The following MAGI2 variants were observed in gnomAD, a reference collection of about 807,000 sequenced individuals.
The protein encoded by MAGI2 is membrane-associated guanylate kinase, WW and PDZ domain-containing protein 2.
A neutral mutation model predicts 133.3 loss-of-function variants in MAGI2; 35 were observed. That is an observed-to-expected ratio of 0.26 (90% CI 0.20 to 0.35). The LOEUF is 0.35. Among genes scored for constraint, MAGI2 ranks in the 10% least tolerant of loss-of-function variants. The probability of loss-of-function intolerance (pLI) is 1.00; values close to 1 mark genes in which losing one functional copy is unlikely to be tolerated. For missense variants in MAGI2, 1,636 were observed against 1,863.4 expected (o/e 0.88, Z 2.25); for synonymous variants, 729 against 710.6 (o/e 1.03, Z -0.41).
chr7:78,131,805 G>A (rs1298408291), intron 18 of MAGI2, among the ~76,000 whole-genome samples: 1 of 152,188 alleles, frequency 6.6e-6, no homozygotes, highest in African/African-American at 2.4e-5. Flanking sequence ...CTAATGCTAT[G>A]TGTGGAATAG....
chr7:78,364,241 T>C (rs889189752), intron 7 of MAGI2, among the ~76,000 whole-genome samples: 2 of 152,236 alleles, frequency 1.3e-5, no homozygotes, highest in Non-Finnish European at 2.9e-5. Flanking sequence ...TAATTGGAAA[T>C]GTTTCATATG....
chr7:78,692,983 T>C (rs1817126241), intron 2 of MAGI2, among the ~76,000 whole-genome samples: 2 of 152,160 alleles, frequency 1.3e-5, no homozygotes. Flanking sequence ...CCAATACTCA[T>C]GCTTAGAGGC....
intron 1 of MAGI2, among the ~76,000 whole-genome samples, chr7:79,171,308 G>A (rs1158278298): frequency 6.6e-6 from 1 of 152,032 alleles, no homozygotes; most frequent in African/African-American, 2.4e-5. Flanking sequence ...CTCCCCCTGA[G>A]TGTGCCTTTG....
At chr7:79,073,468 T>C (rs145058505) in intron 1 of MAGI2, among the ~76,000 whole-genome samples, 3 of 152,318 alleles carry the variant, frequency 2.0e-5, no homozygotes, top group East Asian at 3.9e-4. Flanking sequence ...ACGAGTTATA[T>C]ATGTTCATTC....
At chr7:79,409,587 G>C (rs1160836927) in intron 1 of MAGI2, among the ~76,000 whole-genome samples, 1 of 151,848 alleles carries the variant, frequency 6.6e-6, no homozygotes, top group Admixed American at 6.6e-5. Flanking sequence ...CATGAGCTTG[G>C]GGACATGAAT....
intron 16 of MAGI2, among the ~76,000 whole-genome samples, chr7:78,150,753 C>T (rs1823788527): frequency 6.6e-6 from 1 of 152,100 alleles, no homozygotes; most frequent in Non-Finnish European, 1.5e-5. Context: ...TAAGAACTCT[C>T]CTGAAAAATG....
chr7:78,186,727 C>T (rs966958522), intron 12 of MAGI2, among the ~76,000 whole-genome samples: 2 of 152,010 alleles, frequency 1.3e-5, no homozygotes, highest in East Asian at 1.9e-4. Context: ...GATCCTTTTT[C>T]GAAAACATAC....
chr7:79,358,314 T>G (rs1355745108), intron 1 of MAGI2, among the ~76,000 whole-genome samples: 1 of 152,124 alleles, frequency 6.6e-6, no homozygotes, highest in African/African-American at 2.4e-5. Flanking sequence ...TGAATTCTAT[T>G]TTTACCCAAG....
intron 21 of MAGI2, among the ~76,000 whole-genome samples, chr7:78,036,039 TTG>T (rs1389493754): frequency 7.6e-6 from 1 of 132,216 alleles, no homozygotes; most frequent in Non-Finnish European, 1.7e-5. Context: ...AAATGCACGT[TTG>T]TGTGTGTGTG....
chr7:78,944,733 A>G (rs1268539574), intron 2 of MAGI2, among the ~76,000 whole-genome samples: 1 of 151,312 alleles, frequency 6.6e-6, no homozygotes, highest in Non-Finnish European at 1.5e-5. Flanking sequence ...TTATTTATTT[A>G]TTTATTTACT....
chr7:79,242,484 C>T (rs937957974), intron 1 of MAGI2, among the ~76,000 whole-genome samples: 5 of 152,146 alleles, frequency 3.3e-5, no homozygotes, highest in African/African-American at 1.2e-4. Flanking sequence ...AGGTTAATTA[C>T]TACAATTATT....
rs370364699 is a variant in MAGI2, at chr7:79,356,772, C to A, written c.301+96248G>T. Among the ~76,000 whole-genome samples the A allele has an allele frequency of 3.3e-5, 5 of 152,118 alleles. No homozygotes were observed. The East Asian group carries it at 9.7e-4, about 29-fold the overall frequency. On this transcript the variant is annotated intron_variant, in intron 1 of 21. Coordinates refer to ENST00000354212, the MANE Select transcript of MAGI2 (RefSeq NM_012301.4). Reference sequence around the variant, plus strand: ...TGTGTTTAAGGAAACCACGTTATAACCCACAGCATGACTGAATATAGGACT... The same window carrying A: ...TGTGTTTAAGGAAACCACGTTATAAACCACAGCATGACTGAATATAGGACT...
At chr7:79,418,656 G>A (rs944994785) in intron 1 of MAGI2, among the ~76,000 whole-genome samples, 3 of 151,784 alleles carry the variant, frequency 2.0e-5, no homozygotes, top group Non-Finnish European at 4.4e-5. Context: ...AGGGAAGAAG[G>A]CTGACTAGAA....
At chr7:78,597,539 A>T (rs906403441) in intron 3 of MAGI2, among the ~76,000 whole-genome samples, 2 of 135,176 alleles carry the variant, frequency 1.5e-5, no homozygotes, top group African/African-American at 3.0e-5. Flanking sequence ...TCAATGAAAG[A>T]GCCCAGGCAA....
chr7:78,816,257 A>C (rs1242636165), intron 2 of MAGI2, among the ~76,000 whole-genome samples: 1 of 152,172 alleles, frequency 6.6e-6, no homozygotes, highest in Non-Finnish European at 1.5e-5. Flanking sequence ...AAAAGTGTGA[A>C]GCTAGCAGGG....
At chr7:78,172,155 A>AC (rs1312101296) in intron 14 of MAGI2, among the ~76,000 whole-genome samples, 1 of 152,050 alleles carries the variant, frequency 6.6e-6, no homozygotes, top group Non-Finnish European at 1.5e-5. Flanking sequence ...CAGGGGAAAA[A>AC]CTCACACTAA....
intron 2 of MAGI2, among the ~76,000 whole-genome samples, chr7:78,645,662 TG>T (rs1810804531): frequency 6.6e-6 from 1 of 151,842 alleles, no homozygotes; most frequent in African/African-American, 2.4e-5. Flanking sequence ...TGTGTGTGTG[TG>T]TGTGTGTATA....
At chr7:78,393,751 T>A (rs570448848) in intron 6 of MAGI2, among the ~76,000 whole-genome samples, 21 of 152,334 alleles carry the variant, frequency 1.4e-4, no homozygotes, top group Non-Finnish European at 2.5e-4. Flanking sequence ...TTTACTATTC[T>A]GTTTGCAGTA....
At position 78,381,613 on chromosome 7, in the gene MAGI2, A is replaced by C. The variant is rs192242415; in HGVS notation, c.1046-12400T>G. Among the ~76,000 whole-genome samples the C allele has an allele frequency of 9.8e-3, 1,488 of 152,290 alleles. 13 individuals carry two copies. The highest frequency in any genetic ancestry group is 0.016 in the Non-Finnish European group (1,074 of 68,006). Reference sequence around the variant, plus strand: ...ACTTTTTTAAATGGAAGGGAAAAAAACCTAACCACCTAATAGAGGAATATG... The same window carrying C: ...ACTTTTTTAAATGGAAGGGAAAAAACCCTAACCACCTAATAGAGGAATATG... On this transcript the variant is annotated intron_variant, in intron 6 of 21. Coordinates refer to ENST00000354212, the MANE Select transcript of MAGI2 (RefSeq NM_012301.4).
Sources: allele counts gnomAD v4.1 joint callset (sites outside exome capture counted in the v4.1 genomes callset), GRCh38; gene constraint gnomAD v4.1.1; transcripts MANE v1.5; gene names NCBI Gene and HGNC (gene_info 2026-07-23, HGNC 2026-07-21).